BRCA2: variants seen among roughly 807,000 people sequenced by gnomAD.
BRCA2 encodes the protein breast cancer type 2 susceptibility protein.
BRCA2 carries 203 observed loss-of-function variants against 276.7 expected under a neutral mutation model. The observed-to-expected ratio is 0.73, with a 90% confidence interval of 0.65 to 0.82. BRCA2 has a LOEUF of 0.82. Ranked by LOEUF, BRCA2 falls within the 40% of genes least tolerant of loss-of-function variation. The pLI, the probability that BRCA2 is intolerant of heterozygous loss-of-function variation, is 0.00. For synonymous variants in BRCA2, 1,289 were observed against 1,338.4 expected, an observed-to-expected ratio of 0.96 and a Z score of 0.81; for missense variants, 3,920 against 3,915.0, an observed-to-expected ratio of 1.00 and a Z score of -0.03.
intron 24 of BRCA2, among the ~76,000 whole-genome samples, chr13:32,380,695 C>T (rs1300587972): frequency 6.6e-6 from 1 of 151,982 alleles, no homozygotes; most frequent in Non-Finnish European, 1.5e-5. Context: ...TACCCGCCAC[C>T]GAGCCTGGCC....
At chr13:32,393,972 C>T (rs552229496) in intron 24 of BRCA2, among the ~76,000 whole-genome samples, 11 of 152,286 alleles carry the variant, frequency 7.2e-5, no homozygotes, top group South Asian at 4.1e-4. Flanking sequence ...GTTTATCCTT[C>T]CTGATTTCTT....
Position 32,379,989 on chromosome 13 carries a change from T to C in BRCA2, c.9118-18T>C, listed in dbSNP as rs1555288527. On this transcript the variant is annotated intron_variant, in intron 23 of 26. Transcript: ENST00000380152. ...TATGGAATCTCCATATGTTGAATTTTTGTTTTGTTTTCTGTAGGTTTCAGA... is the reference window on the plus strand; with the variant it reads ...TATGGAATCTCCATATGTTGAATTTCTGTTTTGTTTTCTGTAGGTTTCAGA... 5 of 1,613,836 alleles carry C rather than the reference T, an allele frequency of 3.1e-6. No homozygotes were observed. In the African/African-American group the frequency reaches 6.7e-5, roughly 22 times the overall value.
chr13:32,335,683 C>T (rs2072442540), intron 10 of BRCA2, among the ~76,000 whole-genome samples: 2 of 151,460 alleles, frequency 1.3e-5, no homozygotes, highest in African/African-American at 4.9e-5. Context: ...TTTATGGTAG[C>T]TAGCTACTTC....
intron 2 of BRCA2, among the ~76,000 whole-genome samples, chr13:32,318,535 G>C (rs185712444): frequency 6.6e-6 from 1 of 151,994 alleles, no homozygotes; most frequent in African/African-American, 2.4e-5. Flanking sequence ...ACCGCCTCCT[G>C]GGTTCAAGTG....
Position 32,340,886 on chromosome 13 carries a change from T to A in BRCA2, c.6531T>A (p.Ile2177=), listed in dbSNP as rs587780658. 24 of 1,605,912 alleles carry A rather than the reference T, an allele frequency of 1.5e-5. No individual in the cohort carries two copies. In the Admixed American group the frequency reaches 4.1e-4, roughly 28 times the overall value. ...CCAAAGTGTCACTTGTTGAGAACAT[T>A]CATGTTTTGGGAAAAGAACAGGCTT... is the stretch of plus-strand genomic sequence containing the variant. ...LGTKVSLVEN[I]HVLGKEQASP... The change falls in exon 11 of 27, where the codon ATT becomes ATA. Residue 2177 remains isoleucine (I), a synonymous_variant. Coordinates refer to ENST00000380152, the MANE Select transcript of BRCA2 (RefSeq NM_000059.4).
intron 18 of BRCA2, among the ~76,000 whole-genome samples, chr13:32,368,474 C>T (rs2072802432): frequency 6.6e-6 from 1 of 151,494 alleles, no homozygotes; most frequent in Non-Finnish European, 1.5e-5. Context: ...CTTTCTAAAG[C>T]TAATGATTAA....
intron 24 of BRCA2, among the ~76,000 whole-genome samples, chr13:32,386,546 CAA>C (rs928606106): frequency 2.0e-5 from 3 of 151,182 alleles, no homozygotes; most frequent in Non-Finnish European, 4.4e-5. Context: ...ATTAATGAAT[CAA>C]TGTGTGTGTG....
chr13:32,337,376 T>C lies in BRCA2; in HGVS notation c.3021T>C (p.Gly1007=). The change falls in exon 11 of 27, where the codon GGT becomes GGC. Residue 1007 remains glycine (G), a synonymous_variant. Transcript: ENST00000380152. ...LGPISNHSFG[G]SFRTASNKEI... ...CAATTTCAAATCACAGTTTTGGAGG[T>C]AGCTTCAGAACAGCTTCAAATAAGG... The C allele has an allele frequency of 6.2e-7, 1 of 1,613,830 alleles. No homozygotes were observed. Among genetic ancestry groups the C allele is most frequent in the Non-Finnish European group, 8.5e-7 (1 of 1,179,916 alleles).
chr13:32,345,748 TA>T (rs2072606673), intron 12 of BRCA2, among the ~76,000 whole-genome samples: 1 of 152,094 alleles, frequency 6.6e-6, no homozygotes, highest in Non-Finnish European at 1.5e-5. Flanking sequence ...ACCTTATACA[TA>T]TAACTTAAAT....
intron 16 of BRCA2, among the ~76,000 whole-genome samples, chr13:32,361,459 A>C (rs1489536278): frequency 6.6e-6 from 1 of 152,212 alleles, no homozygotes; most frequent in Admixed American, 6.5e-5. Context: ...TGCCAAAAAG[A>C]AGCAGAGAGA....
chr13:32,323,171 G>T (rs1371139341), intron 3 of BRCA2, among the ~76,000 whole-genome samples: 3 of 125,906 alleles, frequency 2.4e-5, no homozygotes, highest in Non-Finnish European at 5.0e-5. Flanking sequence ...TTTTTTTTTG[G>T]AGATGAAATC....
rs1555283600 is a variant in BRCA2 at position 32,338,511 on chromosome 13, G to A, written c.4156G>A (p.Asp1386Asn). The change falls in exon 11 of 27, where the codon GAT becomes AAT. Residue 1386 changes from aspartate (D) to asparagine (N), a missense_variant. Physicochemically the swap from Asp to Asn is conservative, Grantham distance 23. Around this residue, in one of 2 missense-constraint regions of BRCA2, gnomAD observed 3,263 missense variants for 3,156.9 expected, o/e 1.03. Coordinates refer to ENST00000380152, the MANE Select transcript of BRCA2 (RefSeq NM_000059.4). ...CACTCAGATTAAAGAAGATTTGTCA[G>A]ATTTAACTTTTTTGGAAGTTGCGAA... ...GNTQIKEDLS[D>N]LTFLEVAKAQ... 4 of 1,603,902 alleles carry A rather than the reference G, an allele frequency of 2.5e-6. No individual in the cohort carries two copies. The highest frequency in any genetic ancestry group is 2.5e-6 in the Non-Finnish European group (3 of 1,177,354).
Position 32,319,219 on chromosome 13 carries a change from T to C in BRCA2, c.210T>C (p.Ser70=), listed in dbSNP as rs751417001. The C allele has an allele frequency of 6.2e-7, 1 of 1,613,894 alleles. No individual in the cohort carries two copies. Among genetic ancestry groups the C allele is most frequent in the Non-Finnish European group, 8.5e-7 (1 of 1,179,782 alleles). Residue 70 remains serine (S), a synonymous_variant, in exon 3 of 27, where the codon TCT becomes TCC. Transcript: ENST00000380152. The part of the protein sequence containing the change: ...NLFKTPQRKP[S]YNQLASTPII... ...TTAAAACTCCACAAAGGAAACCATC[T>C]TATAATCAGCTGGCTTCAACTCCAA...
At position 32,338,904 on chromosome 13, in the gene BRCA2, A is replaced by G. The variant is rs730881532; in HGVS notation, c.4549A>G (p.Lys1517Glu). Residue 1517 changes from lysine (K) to glutamate (E), a missense_variant, in exon 11 of 27, where the codon AAA becomes GAA. This residue lies in a region of BRCA2 where 3,263 missense variants were observed against 3,156.9 expected (regional missense o/e 1.03). Transcript: ENST00000380152. ...QGQPERDEKIKEPTLLGFHTA... is the reference protein window; with the variant it reads ...QGQPERDEKIEEPTLLGFHTA... ...ACAACCCGAACGTGATGAAAAGATC[A>G]AAGAACCTACTCTATTGGGTTTTCA... The G allele has an allele frequency of 1.2e-6, 2 of 1,614,022 alleles. No homozygotes were observed. Among genetic ancestry groups the G allele is most frequent in the Non-Finnish European group, 1.7e-6 (2 of 1,179,930 alleles).
At chr13:32,391,222 C>G (rs2072994673) in intron 24 of BRCA2, among the ~76,000 whole-genome samples, 1 of 152,104 alleles carries the variant, frequency 6.6e-6, no homozygotes, top group African/African-American at 2.4e-5. Context: ...AAGCCTGTTT[C>G]CCTGGGAAAC....
intron 20 of BRCA2, among the ~76,000 whole-genome samples, chr13:32,373,779 T>C (rs1484452952): frequency 6.6e-6 from 1 of 152,158 alleles, no homozygotes; most frequent in Admixed American, 6.5e-5. Flanking sequence ...TTCTCACAGC[T>C]CCACTAGGCA....
At chr13:32,323,404 C>T (rs917730317) in intron 3 of BRCA2, among the ~76,000 whole-genome samples, 2 of 152,138 alleles carry the variant, frequency 1.3e-5, no homozygotes, top group Non-Finnish European at 1.5e-5. Context: ...CCGCTCGCCT[C>T]GGCCTCCCAA....
intron 24 of BRCA2, among the ~76,000 whole-genome samples, chr13:32,393,222 G>A (rs1468183086): frequency 1.3e-5 from 2 of 148,244 alleles, no homozygotes; most frequent in African/African-American, 4.8e-5. Context: ...CTTTGAGACT[G>A]AATCCTATTT....
intron 3 of BRCA2, among the ~76,000 whole-genome samples, chr13:32,323,188 T>C (rs555559687): frequency 6.6e-6 from 1 of 151,886 alleles, no homozygotes; most frequent in South Asian, 2.1e-4. Context: ...AATCTCGCTT[T>C]GTCGCCCAGG....
Sources: allele counts gnomAD v4.1 joint callset (sites outside exome capture counted in the v4.1 genomes callset), GRCh38; gene constraint gnomAD v4.1.1; regional missense constraint gnomAD v4.1.1; transcripts MANE v1.5; gene names NCBI Gene and HGNC (gene_info 2026-07-23, HGNC 2026-07-21).